RBM6: variants seen among roughly 807,000 people sequenced by gnomAD.
RBM6 encodes RNA-binding protein 6.
Under a neutral mutation model 140.4 loss-of-function variants are expected in RBM6, and 23 were observed. That is an observed-to-expected ratio of 0.16 (90% CI 0.12 to 0.23). RBM6 has a LOEUF of 0.23. Ranked by LOEUF, RBM6 falls within the 10% of genes least tolerant of loss-of-function variation. RBM6 has a pLI of 1.00. For missense variants in RBM6, 1,139 were observed against 1,386.7 expected (o/e 0.82, Z 2.84); for synonymous variants, 439 against 475.6 (o/e 0.92, Z 1.00).
intron 7 of RBM6, among the ~76,000 whole-genome samples, chr3:50,051,405 G>T (rs1176968154): frequency 6.6e-6 from 1 of 152,200 alleles, no homozygotes; most frequent in Admixed American, 6.5e-5. Flanking sequence ...ACTTTGGGAG[G>T]CCGAGGCAGG....
intron 5 of RBM6, among the ~76,000 whole-genome samples, chr3:49,987,366 A>G (rs1474245462): frequency 6.6e-6 from 1 of 150,812 alleles, no homozygotes; most frequent in Non-Finnish European, 1.5e-5. Flanking sequence ...CCCAGGCTGG[A>G]GTGCAGTGAC....
chr3:49,974,717 C>G (rs530208610), intron 4 of RBM6, among the ~76,000 whole-genome samples: 1 of 118,308 alleles, frequency 8.5e-6, no homozygotes, highest in African/African-American at 3.3e-5. Flanking sequence ...GATAGTGTCT[C>G]GCTCTGTTGC....
intron 15 of RBM6, among the ~76,000 whole-genome samples, chr3:50,062,452 C>T (rs1007355589): frequency 2.0e-5 from 3 of 150,856 alleles, no homozygotes; most frequent in South Asian, 2.1e-4. Flanking sequence ...TGCAGTGAGC[C>T]GAGATCGCGC....
intron 17 of RBM6, 55 bp from the exon 18 acceptor site, chr3:50,068,635 T>G: frequency 6.6e-7 from 1 of 1,512,032 alleles, no homozygotes; most frequent in South Asian, 1.1e-5. Flanking sequence ...CCTAGAAGCA[T>G]CTCTAGGACC....
intron 4 of RBM6, among the ~76,000 whole-genome samples, chr3:49,974,373 AT>A (rs762062224): frequency 2.9e-3 from 403 of 139,480 alleles, no homozygotes; most frequent in Middle Eastern, 3.7e-3. Flanking sequence ...CTCCTGGCTA[AT>A]TTTTTTTTTT....
intron 1 of RBM6, among the ~76,000 whole-genome samples, chr3:49,958,367 A>G (rs1021001429): frequency 1.3e-5 from 2 of 152,140 alleles, no homozygotes; most frequent in Non-Finnish European, 2.9e-5. Context: ...CATCCTGGCT[A>G]ACATGGTGAA....
At chr3:50,072,396 C>T (rs576669736) in intron 19 of RBM6, among the ~76,000 whole-genome samples, 22 of 147,346 alleles carry the variant, frequency 1.5e-4, no homozygotes, top group African/African-American at 5.5e-4. Flanking sequence ...GGTAATAGAG[C>T]GAGACTCCAA....
At chr3:49,948,273 A>T (rs889715685) in intron 1 of RBM6, among the ~76,000 whole-genome samples, 15 of 152,178 alleles carry the variant, frequency 9.9e-5, no homozygotes, top group Admixed American at 6.6e-5. Flanking sequence ...CACGCCTATA[A>T]TCTTAGCACT....
At chr3:50,029,979 A>G (rs892800541) in intron 6 of RBM6, among the ~76,000 whole-genome samples, 3 of 151,394 alleles carry the variant, frequency 2.0e-5, no homozygotes, top group Admixed American at 6.6e-5. Flanking sequence ...ACAGTGAGCC[A>G]TGATGCACCA....
chr3:49,954,820 G>T (rs929702378), intron 1 of RBM6, among the ~76,000 whole-genome samples: 1 of 150,434 alleles, frequency 6.6e-6, no homozygotes, highest in Admixed American at 6.6e-5. Flanking sequence ...GTGCAGTGGC[G>T]CGATCTCAGC....
At position 49,967,842 on chromosome 3, in the gene RBM6, T is replaced by C; in HGVS notation, c.417T>C (p.Asp139=). ...CACCTATGGACTATAGGGGTGGAGATGGTACTTCTATGGATTATAGAGGTA... is the reference window on the plus strand; with the variant it reads ...CACCTATGGACTATAGGGGTGGAGACGGTACTTCTATGGATTATAGAGGTA... The part of the protein sequence containing the change: ...EGPPMDYRGG[D]GTSMDYRGRE... The change falls in exon 3 of 21, where the codon GAT becomes GAC. Residue 139 remains aspartate, a synonymous_variant. Transcript: ENST00000266022. This position sits in a 1 kb window ranked among gnomAD's most constrained non-coding sequence, Gnocchi z 4.0. 6.2e-7 allele frequency: 1 copy of C among 1,614,092 alleles called. No individual in the cohort carries two copies. The highest frequency in any genetic ancestry group is 8.5e-7 in the Non-Finnish European group (1 of 1,180,032).
chr3:50,048,872 C>T (rs540281247), intron 7 of RBM6, among the ~76,000 whole-genome samples: 62 of 152,026 alleles, frequency 4.1e-4, no homozygotes, highest in Admixed American at 5.9e-4. Flanking sequence ...GCGTGATTTC[C>T]ACTCACTACA....
chr3:50,002,784 C>T (rs777078938), intron 6 of RBM6, among the ~76,000 whole-genome samples: 2 of 152,100 alleles, frequency 1.3e-5, no homozygotes, highest in Non-Finnish European at 2.9e-5. Context: ...GTGGATTAAA[C>T]TCCTTATGAC....
At chr3:50,001,158 C>T (rs1394605144) in intron 6 of RBM6, among the ~76,000 whole-genome samples, 1 of 152,094 alleles carries the variant, frequency 6.6e-6, no homozygotes, top group Non-Finnish European at 1.5e-5. Context: ...AATGCATTAA[C>T]ACTGCAACAA....
At chr3:50,061,672 TGAAAAGTG>T in intron 14 of RBM6, 125 bp downstream of exon 14, 1 of 1,476,376 alleles carries the variant, frequency 6.8e-7, no homozygotes, top group Non-Finnish European at 8.9e-7. Context: ...GCTCATTGCA[TGAAAAGTG>T]GAAAAGTTTA....
chr3:49,997,118 T>C (rs2086119712), intron 5 of RBM6, among the ~76,000 whole-genome samples: 1 of 152,154 alleles, frequency 6.6e-6, no homozygotes, highest in Admixed American at 6.5e-5. Context: ...TGCTAATTGC[T>C]GAAAATCCTT....
intron 1 of RBM6, among the ~76,000 whole-genome samples, chr3:49,947,278 T>G (rs35343990): frequency 0.013 from 297 of 23,110 alleles, 1 homozygote; most frequent in Non-Finnish European, 0.016. Flanking sequence ...GGGGGGGGGG[T>G]TTTGAGCTGG....
intron 6 of RBM6, among the ~76,000 whole-genome samples, chr3:50,017,488 G>T (rs971806788): frequency 6.6e-6 from 1 of 151,570 alleles, no homozygotes; most frequent in Non-Finnish European, 1.5e-5. Flanking sequence ...AACCCAGGAG[G>T]TGGAGCGTGC....
intron 6 of RBM6, among the ~76,000 whole-genome samples, chr3:50,006,664 G>A (rs1472993680): frequency 1.3e-5 from 2 of 150,564 alleles, no homozygotes; most frequent in African/African-American, 2.4e-5. Flanking sequence ...CGGGTGCGGT[G>A]GCTCATGCCT....
Sources: gnomAD v4.1 joint callset for allele counts (sites outside exome capture counted in the v4.1 genomes callset) on GRCh38, gnomAD v4.1.1 for gene constraint, Gnocchi (gnomAD v3.1) non-coding constraint, MANE v1.5 for transcripts, NCBI Gene and HGNC (gene_info 2026-07-23, HGNC 2026-07-21) for gene names.